MCC: variants seen among roughly 807,000 people sequenced by gnomAD.
MCC encodes MCC regulator of Wnt signaling pathway.
In MCC, 90 loss-of-function variants were observed where a neutral mutation model predicts 116.2. That is an observed-to-expected ratio of 0.77 (90% CI 0.65 to 0.92). The LOEUF (loss-of-function observed/expected upper bound fraction) is 0.92, where lower values mean the gene tolerates loss of function less well. MCC is among the 40% of genes least tolerant of loss of function. MCC has a pLI of 0.00. For synonymous variants in MCC, 578 were observed against 510.5 expected (o/e 1.13, Z -1.78); for missense variants, 1,516 against 1,312.2 (o/e 1.16, Z -2.40).
Position 113,376,582 on chromosome 5 carries a change from C to T in MCC, c.415+8386G>A, listed in dbSNP as rs1044774284. ...CTAGTTGCCATATTTTATACACACACACACACACACACACACACACACACA... is the reference window on the plus strand; with the variant it reads ...CTAGTTGCCATATTTTATACACACATACACACACACACACACACACACACA... On this transcript the variant is annotated intron_variant, in intron 2 of 18. Transcript: ENST00000408903. 1.7e-4 allele frequency among the ~76,000 whole-genome samples: 26 copies of T among 151,810 alleles called. 1 individual carries two copies. The highest frequency in any genetic ancestry group is 5.6e-4 in the African/African-American group (23 of 41,394).
Position 113,434,574 on chromosome 5 carries a change from A to G in MCC, c.171-49362T>C. On this transcript the variant is annotated intron_variant, in intron 1 of 18. Coordinates refer to ENST00000408903, the MANE Select transcript of MCC (RefSeq NM_001085377.2). The surrounding 1 kb of genome is among the most constrained non-coding windows in gnomAD (Gnocchi z 4.2). ...GTCGCCCTGGACCGCGAGCTCCATG[A>G]CGATGTAGACCTTGCCATGTGATGT... The G allele has an allele frequency of 6.2e-7, 1 of 1,613,560 alleles. No individual in the cohort carries two copies. Among genetic ancestry groups the G allele is most frequent in the South Asian group, 1.1e-5 (1 of 91,062 alleles).
intron 3 of MCC, among the ~76,000 whole-genome samples, chr5:113,229,836 C>T (rs1763877589): frequency 6.6e-6 from 1 of 152,202 alleles, no homozygotes; most frequent in South Asian, 2.1e-4. Flanking sequence ...GAGCAACAGG[C>T]TACACCATAT....
intron 11 of MCC, among the ~76,000 whole-genome samples, chr5:113,073,514 G>A (rs1754191499): frequency 6.6e-6 from 1 of 152,222 alleles, no homozygotes; most frequent in Non-Finnish European, 1.5e-5. Flanking sequence ...ATCCACAGCT[G>A]AGCCAGCCCC....
At chr5:113,421,613 C>T (rs973562394) in intron 1 of MCC, among the ~76,000 whole-genome samples, 6 of 152,188 alleles carry the variant, frequency 3.9e-5, no homozygotes, top group Non-Finnish European at 1.5e-5. Context: ...AAGACCCTTT[C>T]GCTCATCTGG....
intron 3 of MCC, among the ~76,000 whole-genome samples, chr5:113,233,621 T>C (rs967048512): frequency 6.6e-6 from 1 of 152,172 alleles, no homozygotes; most frequent in African/African-American, 2.4e-5. Flanking sequence ...CATATGTGAC[T>C]TCTCTCTCCT....
At chr5:113,294,490 A>G in intron 3 of MCC, 1 of 1,579,928 alleles carries the variant, frequency 6.3e-7, no homozygotes, top group Non-Finnish European at 8.6e-7. Context: ...GCCACATTTT[A>G]GTCTAGACAG....
At chr5:113,464,599 TATC>T (rs368889047) in intron 1 of MCC, among the ~76,000 whole-genome samples, 1,623 of 102,342 alleles carry the variant, frequency 0.016, 40 homozygotes, top group African/African-American at 0.057. Context: ...CTCTCTAACA[TATC>T]ATGCTTTGTT....
chr5:113,301,860 C>G (rs1229059817), intron 3 of MCC, among the ~76,000 whole-genome samples: 5 of 152,204 alleles, frequency 3.3e-5, no homozygotes, highest in Non-Finnish European at 5.9e-5. Context: ...AAGATCATGT[C>G]AGAGCCAAAT....
intron 17 of MCC, among the ~76,000 whole-genome samples, chr5:113,043,193 T>C (rs75332278): frequency 0.05 from 7,659 of 152,280 alleles, 524 homozygotes; most frequent in African/African-American, 0.15. Context: ...CCTGCTGAAG[T>C]TGGAAACAAG....
chr5:113,314,577 C>T (rs1038587982), intron 3 of MCC, among the ~76,000 whole-genome samples: 1 of 152,066 alleles, frequency 6.6e-6, no homozygotes, highest in African/African-American at 2.4e-5. Flanking sequence ...CCTTTGACCC[C>T]ACTTGGTCAT....
intron 3 of MCC, among the ~76,000 whole-genome samples, chr5:113,317,769 T>C (rs1467220508): frequency 6.6e-6 from 1 of 152,232 alleles, no homozygotes. Flanking sequence ...AATGCCAGTG[T>C]GGATGGGCTA....
At chr5:113,105,576 T>C (rs1177901837) in intron 6 of MCC, among the ~76,000 whole-genome samples, 1 of 152,212 alleles carries the variant, frequency 6.6e-6, no homozygotes, top group African/African-American at 2.4e-5. Context: ...GTTACTCAGG[T>C]GAGCTCTGAG....
intron 6 of MCC, among the ~76,000 whole-genome samples, chr5:113,110,304 A>C (rs1339651025): frequency 1.3e-5 from 2 of 152,234 alleles, no homozygotes; most frequent in East Asian, 3.8e-4. Context: ...GGCTGGGAGC[A>C]AACGGAGGCT....
intron 14 of MCC, among the ~76,000 whole-genome samples, chr5:113,058,169 A>G (rs1249058341): frequency 6.6e-6 from 1 of 152,220 alleles, no homozygotes; most frequent in African/African-American, 2.4e-5. Context: ...GGGAAATATA[A>G]ATTTATACTT....
intron 15 of MCC, 70 bp downstream of exon 15, chr5:113,053,655 C>G (rs755717906): frequency 4.5e-6 from 5 of 1,121,400 alleles, no homozygotes; most frequent in Non-Finnish European, 6.6e-6. Context: ...ATCTGCTGGA[C>G]CTGCTTTCAG....
At chr5:113,367,841 G>A (rs1768740858) in intron 2 of MCC, among the ~76,000 whole-genome samples, 1 of 152,132 alleles carries the variant, frequency 6.6e-6, no homozygotes, top group Non-Finnish European at 1.5e-5. Flanking sequence ...TGGTGGTCTG[G>A]CCAGTGGCAA....
intron 18 of MCC, among the ~76,000 whole-genome samples, chr5:113,027,807 G>A (rs957786860): frequency 1.3e-5 from 2 of 152,150 alleles, no homozygotes; most frequent in Non-Finnish European, 2.9e-5. Flanking sequence ...TACAAATAGT[G>A]GGTCTATTTG....
chr5:113,050,334 C>G (rs371062374), intron 15 of MCC, among the ~76,000 whole-genome samples: 4 of 152,138 alleles, frequency 2.6e-5, no homozygotes, highest in Non-Finnish European at 5.9e-5. Context: ...CCAGGTCCAG[C>G]CTTCCCAGCC....
chr5:113,146,717 G>T (rs377120450), intron 4 of MCC, among the ~76,000 whole-genome samples: 1 of 152,152 alleles, frequency 6.6e-6, no homozygotes, highest in African/African-American at 2.4e-5. Context: ...ACTACAACTT[G>T]TAAGTTAGAG....
Sources: allele counts gnomAD v4.1 joint callset (sites outside exome capture counted in the v4.1 genomes callset), GRCh38; gene constraint gnomAD v4.1.1; non-coding constraint Gnocchi (gnomAD v3.1); transcripts MANE v1.5; gene names NCBI Gene and HGNC (gene_info 2026-07-23, HGNC 2026-07-21).